The following OR4Q3 variants were observed in gnomAD, a reference collection of about 807,000 sequenced individuals.
The protein encoded by OR4Q3 is olfactory receptor 4Q3.
Under a neutral mutation model 18.8 loss-of-function variants are expected in OR4Q3, and 17 were observed. The observed-to-expected ratio is 0.91, with a 90% CI of 0.62 to 1.36. The LOEUF is 1.36. Among genes scored for constraint, OR4Q3 ranks in the 40% most tolerant of loss-of-function variants. OR4Q3 has a pLI of 0.00. For synonymous variants in OR4Q3, 158 were observed against 145.8 expected (o/e 1.08, Z -0.60); for missense variants, 378 against 373.4 (o/e 1.01, Z -0.10).
exon 2 of OR4Q3, chr14:19,749,148 C>T: frequency 6.6e-6 from 1 of 152,248 alleles, no homozygotes; most frequent in Non-Finnish European, 1.5e-5. Context: ...GTTTTAACCT[C>T]TAAAGGAACA....
chr14:19,749,525 G>A, downstream of OR4Q3: 2 of 140,806 alleles, frequency 1.4e-5, no homozygotes, highest in African/African-American at 5.2e-5. Context: ...CTTGAACCCA[G>A]GAGGCACAGG....
chr14:19,745,996 T>G, intron 1 of OR4Q3, among the ~76,000 whole-genome samples: 18,697 of 149,424 alleles, frequency 0.13, 538 homozygotes, highest in South Asian at 0.23. Flanking sequence ...CAAATCTCTC[T>G]CTCACTGGCT....
downstream of OR4Q3, among the ~76,000 whole-genome samples, chr14:19,749,846 ACTTCTTTCTTTCTTTCTTT>A: frequency 5.6e-5 from 7 of 124,778 alleles, no homozygotes; most frequent in Admixed American, 5.9e-4. Context: ...TATACAGATT[ACTTCTTTCTTTCTTTCTTT>A]CTTTCTTTCT....
At chr14:19,749,959 CTCTCTCTT>C, downstream of OR4Q3, among the ~76,000 whole-genome samples, 4 of 140,796 alleles carry the variant, frequency 2.8e-5, no homozygotes, top group South Asian at 2.2e-4. Flanking sequence ...CTTTTTCTTT[CTCTCTCTT>C]TCTCTCTTTC....
At chr14:19,751,447 G>T, downstream of OR4Q3, among the ~76,000 whole-genome samples, 66 of 152,122 alleles carry the variant, frequency 4.3e-4, no homozygotes, top group East Asian at 1.9e-3. Context: ...AATAGTTTCA[G>T]TAGGATTGGT....
chr14:19,746,985 A>G, intron 1 of OR4Q3, among the ~76,000 whole-genome samples: 1 of 152,228 alleles, frequency 6.6e-6, no homozygotes. Flanking sequence ...TGTGCATTAA[A>G]TTGAATAACC....
At chr14:19,747,878 T>C in exon 2 of OR4Q3, 1 of 1,614,030 alleles carries the variant, frequency 6.2e-7, no homozygotes, top group Non-Finnish European at 8.5e-7. Context: ...TGCCTGCTGG[T>C]GTGGGGGTTT....
At chr14:19,746,209 T>C in intron 1 of OR4Q3, among the ~76,000 whole-genome samples, 1 of 152,104 alleles carries the variant, frequency 6.6e-6, no homozygotes, top group African/African-American at 2.4e-5. Flanking sequence ...AATTTTGTCT[T>C]ATTTCATATT....
At chr14:19,745,186 C>T in intron 1 of OR4Q3, among the ~76,000 whole-genome samples, 2 of 152,102 alleles carry the variant, frequency 1.3e-5, no homozygotes, top group Admixed American at 1.3e-4. Context: ...AGAGTAATCA[C>T]CTAGGAACTG....
intron 1 of OR4Q3, among the ~76,000 whole-genome samples, chr14:19,744,284 AT>A (rs1378509095): frequency 3.3e-5 from 5 of 152,094 alleles, no homozygotes; most frequent in African/African-American, 1.2e-4. Context: ...CAGCTAGCCA[AT>A]CATTTTCTAT....
At chr14:19,748,620 G>A in exon 2 of OR4Q3, 1 of 459,460 alleles carries the variant, frequency 2.2e-6, no homozygotes, top group Non-Finnish European at 3.8e-6. Flanking sequence ...ACGATAACAA[G>A]CATTAATTGA....
chr14:19,750,639 A>G, downstream of OR4Q3, among the ~76,000 whole-genome samples: 1 of 152,230 alleles, frequency 6.6e-6, no homozygotes, highest in South Asian at 2.1e-4. Context: ...TTCTTGATAT[A>G]GGGACAAAAT....
intron 1 of OR4Q3, among the ~76,000 whole-genome samples, chr14:19,746,930 G>A: frequency 2.0e-5 from 3 of 152,180 alleles, no homozygotes; most frequent in East Asian, 1.9e-4. Context: ...GTGCACATAG[G>A]CATTACATTT....
At chr14:19,748,357 A>C in exon 2 of OR4Q3, 1 of 1,604,622 alleles carries the variant, frequency 6.2e-7, no homozygotes, top group African/African-American at 1.3e-5. Context: ...GTGGCATTCC[A>C]TTGCCTTGTT....
Position 19,744,842 on chromosome 14 carries a change from C to T in OR4Q3, c.2+1171C>T. 3.3e-5 allele frequency among the ~76,000 whole-genome samples: 5 copies of T among 152,198 alleles called. 1 individual carries two copies. The East Asian group carries it at 7.7e-4, about 24-fold the overall frequency. ...TAGTTTTGGGGTGTAGACATTCCTT[C>T]ATGTTGATGGGTGTATTGTTCTTTT... On this transcript the variant is annotated intron_variant, in intron 1 of 1. Coordinates refer to ENST00000642117, the Ensembl canonical transcript of OR4Q3.
chr14:19,748,514 C>T, exon 2 of OR4Q3: 1 of 679,640 alleles, frequency 1.5e-6, no homozygotes, highest in Non-Finnish European at 2.4e-6. Context: ...CTCTTGATTA[C>T]AATTTAAAAG....
chr14:19,748,245 C>G, exon 2 of OR4Q3: 1 of 1,613,940 alleles, frequency 6.2e-7, no homozygotes, highest in Non-Finnish European at 8.5e-7. Context: ...AAGATATTCT[C>G]CTTGTTTTAC....
chr14:19,747,846 A>C lies in OR4Q3; in HGVS notation c.443A>C (p.Gln148Pro). The C allele has an allele frequency of 2.4e-5, 38 of 1,608,020 alleles. No homozygotes were observed. The East Asian group carries it at 6.7e-4, about 28-fold the overall frequency. ...CGCTACCTTACAGTCATGAACCCCC[A>C]GCTATGCCTTTGGTTGGTTCTTGCC... is the stretch of plus-strand genomic sequence containing the variant. Residue 148 changes from glutamine to proline, a missense_variant, in exon 2 of 2, where the codon CAG becomes CCG. By Grantham distance (76) the Gln-to-Pro change is moderately conservative. Transcript: ENST00000642117.
At chr14:19,744,593 T>G (rs1488753260) in intron 1 of OR4Q3, among the ~76,000 whole-genome samples, 6 of 152,330 alleles carry the variant, frequency 3.9e-5, no homozygotes, top group African/African-American at 1.4e-4. Context: ...CATGAAGACT[T>G]TCATTTTGCA....
Sources: gnomAD v4.1 joint callset for allele counts (sites outside exome capture counted in the v4.1 genomes callset) on GRCh38, gnomAD v4.1.1 for gene constraint, MANE v1.5 for transcripts, NCBI Gene and HGNC (gene_info 2026-07-23, HGNC 2026-07-21) for gene names.